The following TTN variants were observed in gnomAD, a reference collection of about 807,000 sequenced individuals.
TTN encodes connectin.
A neutral mutation model predicts 3,223.0 loss-of-function variants in TTN; 1,525 were observed. That is an observed-to-expected ratio of 0.47 (90% CI 0.45 to 0.49). The LOEUF (loss-of-function observed/expected upper bound fraction) is 0.49. Among genes scored for constraint, TTN ranks in the 20% least tolerant of loss-of-function variants. TTN has a pLI of 0.00. For missense variants in TTN, 40,786 were observed against 43,424.0 expected (o/e 0.94, Z 5.40); for synonymous variants, 14,094 against 15,161.0 (o/e 0.93, Z 5.17).
At position 178,599,300 on chromosome 2, in the gene TTN, T is replaced by C; in HGVS notation, c.56493A>G (p.Thr18831=). Residue 18831 remains threonine, a synonymous_variant, in exon 290 of 363, where the codon ACA becomes ACG. Coordinates refer to ENST00000589042, the MANE Select transcript of TTN (RefSeq NM_001267550.2). Reference sequence around the variant, plus strand: ...TAGGTTCACTGGAGACATGGACCCATGTCTTCCTGTTAGCTTCTCTTTTCT... The same window carrying C: ...TAGGTTCACTGGAGACATGGACCCACGTCTTCCTGTTAGCTTCTCTTTTCT... ...VIEKREANRK[T]WVHVSSEPKE... The C allele has an allele frequency of 6.2e-7, 1 of 1,609,040 alleles. No individual in the cohort carries two copies. The highest frequency in any genetic ancestry group is 8.5e-7 in the Non-Finnish European group (1 of 1,178,106).
chr2:178,569,205 C>T lies in TTN; in HGVS notation c.76927G>A (p.Ala25643Thr). ...IKNYIVEKRE[A>T]TRKSYAAVVT... ...ACAGCAGCATATGATTTTCTTGTGG[C>T]TTCACGTTTCTCAACAATGTAATTT... Residue 25643 changes from alanine (A) to threonine (T), a missense_variant, in exon 326 of 363, where the codon GCC becomes ACC. Physicochemically the swap from Ala to Thr is moderately conservative, Grantham distance 58 (BLOSUM62 0). Transcript: ENST00000589042. 6.2e-7 allele frequency: 1 copy of T among 1,608,892 alleles called. No homozygotes were observed. Among genetic ancestry groups the T allele is most frequent in the South Asian group, 1.1e-5 (1 of 90,022 alleles).
chr2:178,766,958 T>C (rs1221072115), intron 40 of TTN, among the ~76,000 whole-genome samples: 2 of 152,224 alleles, frequency 1.3e-5, no homozygotes, highest in African/African-American at 4.8e-5. Context: ...TAAAAAGTTA[T>C]TACTTAATTT....
At chr2:178,752,861 A>T (rs1658547491) in intron 47 of TTN, among the ~76,000 whole-genome samples, 1 of 152,096 alleles carries the variant, frequency 6.6e-6, no homozygotes, top group Admixed American at 6.6e-5. Context: ...CACTTTTGGA[A>T]ATGACTGCAA....
rs544348559 is a variant in TTN, at chr2:178,768,860, C to T, written c.8976G>A (p.Val2992=). Residue 2992 remains valine (V), a synonymous_variant, in exon 38 of 363, where the codon GTG becomes GTA. Coordinates refer to ENST00000589042, the MANE Select transcript of TTN (RefSeq NM_001267550.2). The stretch of plus-strand genomic sequence containing the variant: ...ATTTGTAAGAGATGCCTTCATAGTT[C>T]ACTGTCACCTCAAAAGTAATAGTGT... ...EKDTITFEVT[V]NYEGISYKWL... The T allele has an allele frequency of 1.9e-5, 30 of 1,614,050 alleles. No homozygotes were observed. The African/African-American group carries it at 2.3e-4, about 12-fold the overall frequency.
chr2:178,667,393 G>A, intron 161 of TTN, 49 bp downstream of exon 161: 2 of 1,573,916 alleles, frequency 1.3e-6, no homozygotes, highest in Non-Finnish European at 8.7e-7. Flanking sequence ...CAATGTTTGA[G>A]TCATAAAGCT....
chr2:178,543,801 C>G (rs573612152), intron 346 of TTN, 33 bp downstream of exon 346: 144 of 1,607,904 alleles, frequency 9.0e-5, no homozygotes, highest in Non-Finnish European at 1.2e-4. Flanking sequence ...AGGATCTACT[C>G]ATTGTATAGC....
Position 178,540,344 on chromosome 2 carries a change from T to G in TTN, c.97822A>C (p.Arg32608=). ...IAPPGKPQNP[R]VTDTTRTSVS... ...GATGTCCTTGTTGTATCAGTAACTC[T>G]TGGGTTTTGTGGCTTTCCTGGAGGA... is the stretch of plus-strand genomic sequence containing the variant. Residue 32608 remains arginine, a synonymous_variant, in exon 351 of 363, where the codon AGA becomes CGA. Transcript: ENST00000589042. The G allele has an allele frequency of 6.2e-7, 1 of 1,613,162 alleles. No individual in the cohort carries two copies. Among genetic ancestry groups the G allele is most frequent in the South Asian group, 1.1e-5 (1 of 91,036 alleles).
intron 168 of TTN, 118 bp downstream of exon 168, chr2:178,664,342 A>T: frequency 1.1e-6 from 1 of 871,026 alleles, no homozygotes; most frequent in African/African-American, 1.7e-5. Flanking sequence ...TTGAGTTGCA[A>T]GAGTCAACAC....
At chr2:178,609,030 C>T in intron 273 of TTN, 122 bp from the exon 274 acceptor site, 1 of 1,331,102 alleles carries the variant, frequency 7.5e-7, no homozygotes, top group Non-Finnish European at 1.0e-6. Flanking sequence ...TCTTTGTATT[C>T]CATTAGCTAA....
At chr2:178,782,518 C>T in intron 19 of TTN, 21 bp downstream of exon 19, 7 of 1,613,866 alleles carry the variant, frequency 4.3e-6, no homozygotes, top group Non-Finnish European at 5.9e-6. Context: ...AGAACAGCTA[C>T]TAATTAGCAA....
rs1364192252 is a variant in TTN, at chr2:178,567,528, T to G, written c.78604A>C (p.Thr26202Pro). 1.9e-6 allele frequency: 3 copies of G among 1,611,594 alleles called. No individual in the cohort carries two copies. The highest frequency in any genetic ancestry group is 1.7e-4 in the Middle Eastern group (1 of 6,040). The part of the protein sequence containing the change: ...RISMDPKFRD[T>P]IVVNAGETFR... ...GTTTCTCCAGCATTTACCACAATTG[T>G]GTCTCTGAATTTTGGATCCATTGAA... Residue 26202 changes from threonine (T) to proline (P), a missense_variant, in exon 326 of 363, where the codon ACA becomes CCA. By Grantham distance (38) the Thr-to-Pro change is conservative. Coordinates refer to ENST00000589042, the MANE Select transcript of TTN (RefSeq NM_001267550.2).
intron 121 of TTN, among the ~76,000 whole-genome samples, chr2:178,691,421 A>C (rs1383210410): frequency 6.6e-6 from 1 of 152,182 alleles, no homozygotes; most frequent in Non-Finnish European, 1.5e-5. Context: ...TTGACTAGCT[A>C]ATTAGATAAC....
chr2:178,676,343 G>A (rs2068069118), intron 147 of TTN, among the ~76,000 whole-genome samples: 1 of 151,830 alleles, frequency 6.6e-6, no homozygotes, highest in South Asian at 2.1e-4. Context: ...TTTCTGAATC[G>A]TTGATATCCA....
At position 178,741,716 on chromosome 2, in the gene TTN, C is replaced by A; in HGVS notation, c.11517G>T (p.Leu3839=). The change falls in exon 48 of 363, where the codon CTG becomes CTT. Residue 3839 remains leucine (L), a synonymous_variant. Coordinates refer to ENST00000589042, the MANE Select transcript of TTN (RefSeq NM_001267550.2). ...ADISMGDVAT[L]SVTVIGIPKP... ...TGGGGATGCCAATGACAGTTACAGACAGTGTAGCCACATCCCCCATGCTTA... is the reference window on the plus strand; with the variant it reads ...TGGGGATGCCAATGACAGTTACAGAAAGTGTAGCCACATCCCCCATGCTTA... 6.2e-7 allele frequency: 1 copy of A among 1,613,722 alleles called. No individual in the cohort carries two copies. Among genetic ancestry groups the A allele is most frequent in the South Asian group, 1.1e-5 (1 of 91,086 alleles).
At position 178,546,204 on chromosome 2, in the gene TTN, A is replaced by G. The variant is rs778245729; in HGVS notation, c.95119+8T>C. On this transcript the variant is annotated splice_region_variant and intron_variant, in intron 342 of 362. Transcript: ENST00000589042. ...CTATATAAATGTGAGAACATTTGAC[A>G]TGCTTACCAAGCACTTTGACCATGA... The G allele has an allele frequency of 2.1e-5, 34 of 1,602,526 alleles. No homozygotes were observed. The highest frequency in any genetic ancestry group is 3.4e-5 in the South Asian group (3 of 89,398).
In TTN at chr2:178,794,512, C is replaced by T. The variant is rs1328494599; in HGVS notation, c.1285G>A (p.Val429Ile). 6.2e-7 allele frequency: 1 copy of T among 1,614,210 alleles called. No individual in the cohort carries two copies. The highest frequency in any genetic ancestry group is 8.5e-7 in the Non-Finnish European group (1 of 1,180,018). The change falls in exon 8 of 363, where the codon GTT becomes ATT. Residue 429 changes from valine to isoleucine, a missense_variant. Val to Ile is a conservative substitution (Grantham distance 29). Coordinates refer to ENST00000589042, the MANE Select transcript of TTN (RefSeq NM_001267550.2). ...CTGGCCATATCAACGGCAGCAACAACAGTCGCAACAGCTGCACTTTTGTCA... is the reference window on the plus strand; with the variant it reads ...CTGGCCATATCAACGGCAGCAACAATAGTCGCAACAGCTGCACTTTTGTCA... ...DADKSAAVAT[V>I]VAAVDMARVR...
At chr2:178,689,735 T>TCA (rs1481390328) in intron 122 of TTN, 78 bp downstream of exon 122, 1 of 1,480,270 alleles carries the variant, frequency 6.8e-7, no homozygotes, top group African/African-American at 1.4e-5. Context: ...TTAAACTAAC[T>TCA]CAATGAACAG....
chr2:178,718,941 C>A lies in TTN; in HGVS notation c.24259G>T (p.Val8087Leu). ...AGGCTCATTCCAGGCAAAACTTCCACAGAATCAGGGGTTTGTTCAAAAGAT... is the reference window on the plus strand; with the variant it reads ...AGGCTCATTCCAGGCAAAACTTCCAAAGAATCAGGGGTTTGTTCAAAAGAT... ...PPSFEQTPDS[V>L]EVLPGMSLTF... The change falls in exon 84 of 363, where the codon GTG becomes TTG. Residue 8087 changes from valine (V) to leucine (L), a missense_variant. Coordinates refer to ENST00000589042, the MANE Select transcript of TTN (RefSeq NM_001267550.2). 6.2e-7 allele frequency: 1 copy of A among 1,610,924 alleles called. No homozygotes were observed. The highest frequency in any genetic ancestry group is 8.5e-7 in the Non-Finnish European group (1 of 1,178,496).
At chr2:178,806,176 A>C (rs866002422) in intron 1 of TTN, among the ~76,000 whole-genome samples, 1 of 152,212 alleles carries the variant, frequency 6.6e-6, no homozygotes, top group Non-Finnish European at 1.5e-5. Flanking sequence ...GAAAAATCAG[A>C]TAATATCCAA....
Sources: allele counts gnomAD v4.1 joint callset (sites outside exome capture counted in the v4.1 genomes callset), GRCh38; gene constraint gnomAD v4.1.1; transcripts MANE v1.5; gene names NCBI Gene and HGNC (gene_info 2026-07-23, HGNC 2026-07-21).